TMEM132B: variants seen among roughly 807,000 people sequenced by gnomAD.
TMEM132B encodes the protein transmembrane protein 132B.
A neutral mutation model predicts 90.8 loss-of-function variants in TMEM132B; 18 were observed. The ratio of observed to expected loss-of-function variants is 0.20; its 90% confidence interval spans 0.14 to 0.29. The LOEUF is 0.29. Among genes scored for constraint, TMEM132B ranks in the 10% least tolerant of loss-of-function variants. The probability of loss-of-function intolerance (pLI) is 1.00; values close to 1 mark genes in which losing one functional copy is unlikely to be tolerated. For missense variants in TMEM132B, 1,096 were observed against 1,326.8 expected, an observed-to-expected ratio of 0.83 and a Z score of 2.70; for synonymous variants, 504 against 523.3, an observed-to-expected ratio of 0.96 and a Z score of 0.50.
chr12:125,622,537 C>T, intron 5 of TMEM132B: 4 of 968,548 alleles, frequency 4.1e-6, no homozygotes, highest in Non-Finnish European at 4.9e-6. Context: ...GCGTGGAGGC[C>T]ATGCTTTCAC....
chr12:125,327,581 T>C (rs1366601781), intron 1 of TMEM132B: 1 of 152,184 alleles, frequency 6.6e-6, no homozygotes, highest in Non-Finnish European at 1.5e-5. Flanking sequence ...ACAGGTTGCA[T>C]GCGGGGGACG....
intron 4 of TMEM132B, among the ~76,000 whole-genome samples, chr12:125,564,881 T>C (rs1055651555): frequency 6.6e-6 from 1 of 152,212 alleles, no homozygotes; most frequent in African/African-American, 2.4e-5. Flanking sequence ...CAGAGTGTTA[T>C]GGGGCATATT....
chr12:125,261,098 T>G (rs1163883014), intron 1 of TMEM132B, among the ~76,000 whole-genome samples: 1 of 152,206 alleles, frequency 6.6e-6, no homozygotes, highest in Non-Finnish European at 1.5e-5. Flanking sequence ...GCTTTTCCAG[T>G]GCAATGAAAC....
rs987973311 is a variant in TMEM132B at position 125,209,849 on chromosome 12, C to A, written c.67+22983C>A. On this transcript the variant is annotated intron_variant, in intron 1 of 8. Coordinates refer to ENST00000682704, the MANE Select transcript of TMEM132B (RefSeq NM_001366854.1). The surrounding 1 kb of genome is among the most constrained non-coding windows in gnomAD (Gnocchi z 4.4). Reference sequence around the variant, plus strand: ...TTGTTCCCCAATCCTGATTTCTTTTCTCCTTCACTGGAGATAAATACTGTT... The same window carrying A: ...TTGTTCCCCAATCCTGATTTCTTTTATCCTTCACTGGAGATAAATACTGTT... 6.6e-6 allele frequency among the ~76,000 whole-genome samples: 1 copy of A among 152,230 alleles called. No individual in the cohort carries two copies. Among genetic ancestry groups the A allele is most frequent in the Non-Finnish European group, 1.5e-5 (1 of 68,032 alleles).
intron 3 of TMEM132B, among the ~76,000 whole-genome samples, chr12:125,497,385 G>A (rs752578664): frequency 9.6e-4 from 146 of 152,286 alleles, no homozygotes; most frequent in Non-Finnish European, 1.6e-3. Context: ...GAATATTTCA[G>A]GCCGATTTCA....
intron 3 of TMEM132B, among the ~76,000 whole-genome samples, chr12:125,448,359 G>T (rs1040319550): frequency 3.3e-5 from 5 of 151,900 alleles, no homozygotes; most frequent in Non-Finnish European, 5.9e-5. Context: ...AGTATTCTTT[G>T]TGCTTTATCC....
At chr12:125,302,374 A>AC (rs958032515) in intron 1 of TMEM132B, among the ~76,000 whole-genome samples, 20 of 152,186 alleles carry the variant, frequency 1.3e-4, no homozygotes, top group African/African-American at 4.6e-4. Flanking sequence ...AAAAAAAAAA[A>AC]AAAGTGAGCC....
chr12:125,515,887 C>T (rs1158685922), intron 3 of TMEM132B, among the ~76,000 whole-genome samples: 1 of 133,820 alleles, frequency 7.5e-6, no homozygotes, highest in Non-Finnish European at 1.5e-5. Flanking sequence ...TAGACATTCT[C>T]ACGCACACAT....
intron 5 of TMEM132B, among the ~76,000 whole-genome samples, chr12:125,591,896 T>G (rs1885326197): frequency 6.6e-6 from 1 of 152,204 alleles, no homozygotes; most frequent in Admixed American, 6.5e-5. Context: ...TCATTGAAAT[T>G]GCATCTGCAA....
chr12:125,301,080 ATTTC>A (rs1386731202), intron 1 of TMEM132B: 1 of 152,096 alleles, frequency 6.6e-6, no homozygotes, highest in Non-Finnish European at 1.5e-5. Flanking sequence ...TATTTAAAAA[ATTTC>A]TTTAGTTGAA....
intron 1 of TMEM132B, among the ~76,000 whole-genome samples, chr12:125,293,656 C>G (rs1005863609): frequency 6.6e-6 from 1 of 152,224 alleles, no homozygotes; most frequent in African/African-American, 2.4e-5. Flanking sequence ...ATGTAATATT[C>G]CATGGTGTAT....
At chr12:125,558,243 GC>G (rs1412393644) in intron 4 of TMEM132B, among the ~76,000 whole-genome samples, 1 of 152,106 alleles carries the variant, frequency 6.6e-6, no homozygotes, top group Non-Finnish European at 1.5e-5. Context: ...TGTTTGCTCT[GC>G]CCTGCCATCT....
At chr12:125,651,847 C>T (rs1043890996) in intron 7 of TMEM132B, among the ~76,000 whole-genome samples, 3 of 152,174 alleles carry the variant, frequency 2.0e-5, no homozygotes, top group Admixed American at 6.5e-5. Flanking sequence ...ACCAAAGTCC[C>T]TGTTTCCTTG....
intron 2 of TMEM132B, among the ~76,000 whole-genome samples, chr12:125,397,015 A>G (rs560269586): frequency 2.8e-4 from 43 of 151,438 alleles, no homozygotes; most frequent in Non-Finnish European, 5.0e-4. Flanking sequence ...TCTGTTGCCC[A>G]GGCTGGAGTG....
chr12:125,496,563 A>G (rs1882564251), intron 3 of TMEM132B, among the ~76,000 whole-genome samples: 1 of 152,160 alleles, frequency 6.6e-6, no homozygotes, highest in Admixed American at 6.5e-5. Context: ...TTAACCAAAT[A>G]TTAGAGAGAA....
chr12:125,645,086 T>C (rs1031699481), intron 6 of TMEM132B, among the ~76,000 whole-genome samples: 1 of 151,688 alleles, frequency 6.6e-6, no homozygotes, highest in Non-Finnish European at 1.5e-5. Context: ...GGCGTGGTGG[T>C]GGGCGCCTAT....
chr12:125,563,598 C>CAAACAAACAAAAA (rs774597550), intron 4 of TMEM132B, among the ~76,000 whole-genome samples: 34 of 150,280 alleles, frequency 2.3e-4, no homozygotes, highest in African/African-American at 7.9e-4. Context: ...AACAAACAAA[C>CAAACAAACAAAAA]AAAAAAAAAC....
At chr12:125,228,272 T>C (rs942282776) in intron 1 of TMEM132B, among the ~76,000 whole-genome samples, 1 of 152,146 alleles carries the variant, frequency 6.6e-6, no homozygotes, top group Non-Finnish European at 1.5e-5. Flanking sequence ...GGCCTCTGGC[T>C]CTTCACCCCG....
At chr12:125,431,616 C>A (rs962940586) in intron 3 of TMEM132B, among the ~76,000 whole-genome samples, 1 of 152,160 alleles carries the variant, frequency 6.6e-6, no homozygotes, top group Non-Finnish European at 1.5e-5. Context: ...GACTCTACTG[C>A]TCTGGGCAGG....
Sources: gnomAD v4.1 joint callset for allele counts (sites outside exome capture counted in the v4.1 genomes callset) on GRCh38, gnomAD v4.1.1 for gene constraint, Gnocchi (gnomAD v3.1) non-coding constraint, MANE v1.5 for transcripts, NCBI Gene and HGNC (gene_info 2026-07-23, HGNC 2026-07-21) for gene names.